MTRF1L: variants seen among roughly 807,000 people sequenced by gnomAD.
MTRF1L encodes peptide chain release factor 1-like, mitochondrial.
In MTRF1L, 29 loss-of-function variants were observed where a neutral mutation model predicts 40.0. The ratio of observed to expected loss-of-function variants is 0.73; its 90% confidence interval spans 0.54 to 0.99. The LOEUF (loss-of-function observed/expected upper bound fraction) is 0.99, where lower values mean the gene tolerates loss of function less well. Among genes scored for constraint, MTRF1L ranks in the 50% least tolerant of loss-of-function variants. The pLI is 0.00. For synonymous variants in MTRF1L, 150 were observed against 175.8 expected (o/e 0.85, Z 1.16); for missense variants, 412 against 464.5 (o/e 0.89, Z 1.04).
chr6:152,991,072 T>C (rs1320301961), intron 6 of MTRF1L, 113 bp downstream of exon 6: 5 of 660,738 alleles, frequency 7.6e-6, no homozygotes, highest in South Asian at 2.2e-5. Flanking sequence ...ACTACTTGAA[T>C]TGTTTTCAAC....
Position 152,998,643 on chromosome 6 carries a change from G to T in MTRF1L, c.260-14C>A, listed in dbSNP as rs1036279337. 8 of 1,569,968 alleles carry T rather than the reference G, an allele frequency of 5.1e-6. No individual in the cohort carries two copies. In the Middle Eastern group the frequency reaches 5.0e-4, roughly 99 times the overall value. On this transcript the variant is annotated splice_polypyrimidine_tract_variant and intron_variant, in intron 1 of 6. Transcript: ENST00000367233. The stretch of plus-strand genomic sequence containing the variant: ...CTTCATTCTCATCTAGGAAAAAAAG[G>T]GCAGAAGTTAAGGTTTTCCTTAATT...
In MTRF1L at chr6:152,998,528, ATTC is replaced by A. The variant is rs757087220; in HGVS notation, c.339+19_339+21del. The stretch of plus-strand genomic sequence containing the variant: ...TGCCTAAGAATAGCACAAATGCTTT[ATTC>A]TTTGCAGAAATACCATACCTGATGC... On this transcript the variant is annotated intron_variant, in intron 2 of 6. Transcript: ENST00000367233. 9.8e-6 allele frequency: 15 copies of A among 1,531,608 alleles called. No homozygotes were observed. The Middle Eastern group carries it at 7.3e-4, about 75-fold the overall frequency. The allele number at this position is 1,531,608 out of a possible 1,614,324, so 94.9% of individuals were successfully genotyped here. A position where few individuals can be genotyped will look rare whatever the true frequency, so the allele number is the denominator to read the frequency against.
At chr6:152,997,458 A>G (rs547784455) in intron 2 of MTRF1L, among the ~76,000 whole-genome samples, 21 of 152,336 alleles carry the variant, frequency 1.4e-4, no homozygotes, top group African/African-American at 5.1e-4. Context: ...TCAAGATCCT[A>G]AAGCATTTCT....
chr6:152,995,876 CTTGT>C (rs916001900), intron 2 of MTRF1L, among the ~76,000 whole-genome samples: 1 of 152,170 alleles, frequency 6.6e-6, no homozygotes, highest in African/African-American at 2.4e-5. Flanking sequence ...GATTAAATGA[CTTGT>C]TTAAGGGCAA....
intron 6 of MTRF1L, 82 bp downstream of exon 6, chr6:152,991,103 A>ATATG (rs1778495233): frequency 1.1e-6 from 1 of 874,962 alleles, no homozygotes; most frequent in African/African-American, 1.9e-5. Flanking sequence ...ACAAATATAT[A>ATATG]AAAACCAAGT....
rs1158560297 is a variant in MTRF1L, at chr6:153,002,601, C to T, written c.85G>A (p.Gly29Ser). 4.5e-6 allele frequency: 7 copies of T among 1,550,002 alleles called. No homozygotes were observed. The highest frequency in any genetic ancestry group is 1.4e-5 in the African/African-American group (1 of 72,876). The change falls in exon 1 of 7, where the codon GGT (glycine) becomes AGT (serine). Residue 29 changes from glycine (G) to serine (S), a missense_variant. Transcript: ENST00000367233. ...AACAGCTCCTCCAGCGGCGGGCTACCGGAGCTCAGGGGCCGGCGGGCTGGG... is the reference window on the plus strand; with the variant it reads ...AACAGCTCCTCCAGCGGCGGGCTACTGGAGCTCAGGGGCCGGCGGGCTGGG... ...VGPARRPLSSGSPPLEELFTR... is the reference protein window; with the variant it reads ...VGPARRPLSSSSPPLEELFTR...
chr6:152,995,570 T>C (rs1391432628), intron 2 of MTRF1L, among the ~76,000 whole-genome samples: 1 of 152,184 alleles, frequency 6.6e-6, no homozygotes, highest in East Asian at 1.9e-4. Flanking sequence ...TTTTATTGTC[T>C]GTTGGAGTTC....
At position 153,002,691 on chromosome 6, in the gene MTRF1L, G is replaced by A. The variant is rs1778981716; in HGVS notation, c.-6C>T. ...CACAGAACCCGGGACCGCATCCTTAGTCCGAGATCGCGGACCCTGACCGGA... is the reference window on the plus strand; with the variant it reads ...CACAGAACCCGGGACCGCATCCTTAATCCGAGATCGCGGACCCTGACCGGA... On this transcript the variant is annotated 5_prime_UTR_variant, in exon 1 of 7. Coordinates refer to ENST00000367233, the MANE Select transcript of MTRF1L (RefSeq NM_019041.7). The A allele has an allele frequency of 6.8e-7, 1 of 1,475,266 alleles. No homozygotes were observed. Among genetic ancestry groups the A allele is most frequent in the African/African-American group, 1.4e-5 (1 of 69,922 alleles). 91.4% of individuals were successfully genotyped at this position (1,475,266 alleles called of 1,614,324 possible).
intron 1 of MTRF1L, among the ~76,000 whole-genome samples, 200 bp downstream of exon 1, chr6:153,002,227 G>C (rs1778943693): frequency 6.6e-6 from 1 of 152,234 alleles, no homozygotes. Flanking sequence ...AGGCGGCAGA[G>C]CGCCGTGGCA....
Position 152,991,241 on chromosome 6 carries a change from A to G in MTRF1L, c.886T>C (p.Tyr296His). 6.3e-7 allele frequency: 1 copy of G among 1,595,838 alleles called. No homozygotes were observed. Reference protein sequence around the residue: ...LAMTKLRAKLYSMHLEEEINK... With the variant: ...LAMTKLRAKLHSMHLEEEINK... ...ATTTCTTCTTCTAGATGCATGCTGT[A>G]CAGTTTTGCACGTAACTTTGTCATA... Residue 296 changes from tyrosine to histidine, a missense_variant, in exon 6 of 7, where the codon TAC (tyrosine) becomes CAC (histidine). Coordinates refer to ENST00000367233, the MANE Select transcript of MTRF1L (RefSeq NM_019041.7).
chr6:152,993,100 C>G lies in MTRF1L; in HGVS notation c.688-126G>C, dbSNP rs1778587593. 4 of 711,662 alleles carry G rather than the reference C, an allele frequency of 5.6e-6. No homozygotes were observed. In the South Asian group the frequency reaches 7.2e-5, roughly 13 times the overall value. The allele number at this position is 711,662 out of a possible 1,614,324, so 44.1% of individuals were successfully genotyped here. On this transcript the variant is annotated intron_variant, in intron 4 of 6. Coordinates refer to ENST00000367233, the MANE Select transcript of MTRF1L (RefSeq NM_019041.7). ...ATATTTGGGAGGTTTAATTTTAAGACTAGAGAGTAGCTAGAAGGATACCAT... is the reference window on the plus strand; with the variant it reads ...ATATTTGGGAGGTTTAATTTTAAGAGTAGAGAGTAGCTAGAAGGATACCAT...
At chr6:152,990,184 T>A (rs1778457196) in intron 6 of MTRF1L, 89 bp from the exon 7 acceptor site, 1 of 1,508,156 alleles carries the variant, frequency 6.6e-7, no homozygotes, top group Admixed American at 2.3e-5. Flanking sequence ...AAGTTCTTGA[T>A]TTATAACATG....
intron 2 of MTRF1L, 106 bp from the exon 3 acceptor site, chr6:152,995,425 C>T: frequency 9.7e-7 from 1 of 1,032,908 alleles, no homozygotes; most frequent in South Asian, 1.8e-5. Context: ...TTTCGCCAAG[C>T]AAATAATGTA....
chr6:152,997,415 A>C (rs1778750837), intron 2 of MTRF1L, among the ~76,000 whole-genome samples: 1 of 152,232 alleles, frequency 6.6e-6, no homozygotes, highest in South Asian at 2.1e-4. Context: ...AGGCAAGAGC[A>C]GAGCTTTCAA....
In MTRF1L at chr6:153,002,674, C is replaced by A; in HGVS notation, c.12G>T (p.Arg4=). The A allele has an allele frequency of 5.4e-6, 8 of 1,491,058 alleles. No individual in the cohort carries two copies. Among genetic ancestry groups the A allele is most frequent in the Non-Finnish European group, 6.2e-6 (7 of 1,125,614 alleles). 92.4% of individuals were successfully genotyped at this position (1,491,058 alleles called of 1,614,324 possible). Reference sequence around the variant, plus strand: ...GCCACCGGGCAGCGCCCCACAGAACCCGGGACCGCATCCTTAGTCCGAGAT... The same window carrying A: ...GCCACCGGGCAGCGCCCCACAGAACACGGGACCGCATCCTTAGTCCGAGAT... MRS[R]VLWGAARWLW... is the part of the protein sequence containing the mutation. The change falls in exon 1 of 7, where the codon CGG becomes CGT. Residue 4 remains arginine (R), a synonymous_variant. Transcript: ENST00000367233.
intron 1 of MTRF1L, among the ~76,000 whole-genome samples, chr6:152,999,751 C>T (rs140249198): frequency 2.0e-5 from 3 of 152,290 alleles, no homozygotes; most frequent in Admixed American, 6.5e-5. Context: ...TTTTGCCTTC[C>T]ACCATGATTG....
chr6:152,987,762 A>AT lies in MTRF1L; in HGVS notation c.*2132dup, dbSNP rs1165319280. 1 of 100,952 alleles carries AT rather than the reference A, an allele frequency of 9.9e-6. No homozygotes were observed. The highest frequency in any genetic ancestry group is 2.0e-5 in the Non-Finnish European group (1 of 50,786). The allele number at this position is 100,952 out of a possible 1,614,324, so 6.3% of individuals were successfully genotyped here. The stretch of plus-strand genomic sequence containing the variant: ...TTTGAATTTTGGTTCTTTCTGAACA[A>AT]TGCACCAGATTTCTAGACAAATACT... On this transcript the variant is annotated 3_prime_UTR_variant, in exon 7 of 7. Transcript: ENST00000367233.
rs1254022503 is a variant in MTRF1L, at chr6:152,995,276, T to A, written c.383A>T (p.Asp128Val). Residue 128 changes from aspartate (D) to valine (V), a missense_variant, in exon 3 of 7, where the codon GAT becomes GTT. Asp to Val is a radical substitution (Grantham distance 152). Transcript: ENST00000367233. ...TCCTGCAGTTACTTCCAGGATCAAA[T>A]CATTTTCATCTGTTTCTTCTGAGGG... ...LVPSEETDEN[D>V]LILEVTAGVG... 6.2e-7 allele frequency: 1 copy of A among 1,604,266 alleles called. No homozygotes were observed. The highest frequency in any genetic ancestry group is 8.5e-7 in the Non-Finnish European group (1 of 1,175,920).
chr6:152,991,791 C>T (rs948274153), intron 5 of MTRF1L, among the ~76,000 whole-genome samples: 1 of 152,126 alleles, frequency 6.6e-6, no homozygotes, highest in African/African-American at 2.4e-5. Flanking sequence ...CCTCGTGATC[C>T]GCCTGCCTTG....
Sources: gnomAD v4.1 joint callset for allele counts (sites outside exome capture counted in the v4.1 genomes callset) on GRCh38, gnomAD v4.1.1 for gene constraint, MANE v1.5 for transcripts, NCBI Gene and HGNC (gene_info 2026-07-23, HGNC 2026-07-21) for gene names.